UBE3D: variants seen among roughly 807,000 people sequenced by gnomAD.
UBE3D encodes E3 ubiquitin-protein ligase E3D.
In UBE3D, 48 loss-of-function variants were observed where a neutral mutation model predicts 49.6. The ratio of observed to expected loss-of-function variants is 0.97; its 90% CI spans 0.77 to 1.23. The LOEUF (loss-of-function observed/expected upper bound fraction) is 1.23, where lower values mean the gene tolerates loss of function less well. Ranked by LOEUF, UBE3D falls within the 50% of genes most tolerant of loss-of-function variation. UBE3D has a pLI of 0.00. For missense variants in UBE3D, 452 were observed against 468.4 expected (o/e 0.96, Z 0.32); for synonymous variants, 189 against 174.2 (o/e 1.08, Z -0.67).
intron 9 of UBE3D, among the ~76,000 whole-genome samples, chr6:82,929,893 T>A (rs1156585697): frequency 1.3e-5 from 2 of 152,168 alleles, no homozygotes; most frequent in African/African-American, 4.8e-5. Flanking sequence ...CACTGACACA[T>A]CCTTATCACC....
rs762952211 is a variant in UBE3D at position 82,957,420 on chromosome 6, G to A, written c.1041C>T (p.Ser347=). The change falls in exon 9 of 10, where the codon AGC becomes AGT. Residue 347 remains serine, a synonymous_variant. Coordinates refer to ENST00000369747, the MANE Select transcript of UBE3D (RefSeq NM_198920.3). ...KLVSLWESDI[S]VHPLTLPSAT... is the part of the protein sequence containing the mutation. ...CAGAGGGCAGGGTTAGCGGGTGGACGCTGATGTCACTTTCCCACAAGCTGA... is the reference window on the plus strand; with the variant it reads ...CAGAGGGCAGGGTTAGCGGGTGGACACTGATGTCACTTTCCCACAAGCTGA... The A allele has an allele frequency of 3.3e-5, 54 of 1,613,882 alleles. No homozygotes were observed. Among genetic ancestry groups the A allele is most frequent in the Non-Finnish European group, 4.2e-5 (49 of 1,179,958 alleles).
chr6:83,011,016 G>A (rs1780299571), intron 8 of UBE3D, among the ~76,000 whole-genome samples: 1 of 152,018 alleles, frequency 6.6e-6, no homozygotes, highest in Non-Finnish European at 1.5e-5. Context: ...CATCTCCTGA[G>A]ATCATACATA....
intron 8 of UBE3D, among the ~76,000 whole-genome samples, chr6:82,989,153 A>G (rs537527876): frequency 6.6e-6 from 1 of 152,266 alleles, no homozygotes; most frequent in East Asian, 1.9e-4. Flanking sequence ...CTTTACAGTA[A>G]CAAATACCAC....
At chr6:83,065,130 C>T (rs1784412843) in intron 1 of UBE3D, among the ~76,000 whole-genome samples, 1 of 152,178 alleles carries the variant, frequency 6.6e-6, no homozygotes, top group African/African-American at 2.4e-5. Context: ...TAGTGGTTCA[C>T]TAAACTCACG....
chr6:82,979,666 T>C (rs570848079), intron 8 of UBE3D, among the ~76,000 whole-genome samples: 31 of 152,186 alleles, frequency 2.0e-4, no homozygotes, highest in Non-Finnish European at 4.1e-4. Flanking sequence ...GCATATTACA[T>C]AGTGGTGAAG....
intron 8 of UBE3D, among the ~76,000 whole-genome samples, chr6:82,984,171 T>G (rs1778304907): frequency 6.6e-6 from 1 of 152,202 alleles, no homozygotes; most frequent in South Asian, 2.1e-4. Flanking sequence ...CTTATCATTC[T>G]TCAATAAACA....
chr6:83,034,635 TAAAA>T (rs1782114230), intron 5 of UBE3D, among the ~76,000 whole-genome samples: 1 of 152,104 alleles, frequency 6.6e-6, no homozygotes, highest in South Asian at 2.1e-4. Flanking sequence ...ATCTGAGGTT[TAAAA>T]GTGTGTGGCA....
At chr6:82,979,968 C>T (rs1778000928) in intron 8 of UBE3D, among the ~76,000 whole-genome samples, 1 of 152,066 alleles carries the variant, frequency 6.6e-6, no homozygotes, top group South Asian at 2.1e-4. Flanking sequence ...TTTATATATA[C>T]CACATTTTCT....
intron 9 of UBE3D, among the ~76,000 whole-genome samples, chr6:82,915,026 T>C (rs1401774581): frequency 1.3e-5 from 2 of 152,204 alleles, no homozygotes; most frequent in Admixed American, 6.5e-5. Context: ...TTCTCTTTTA[T>C]AACCTGTGGA....
chr6:82,948,728 G>A (rs1308808404), intron 9 of UBE3D, among the ~76,000 whole-genome samples: 1 of 152,082 alleles, frequency 6.6e-6, no homozygotes, highest in Non-Finnish European at 1.5e-5. Flanking sequence ...ATCACTCAGT[G>A]TGAGATATCA....
At chr6:82,919,344 C>T (rs750340492) in intron 9 of UBE3D, among the ~76,000 whole-genome samples, 1 of 151,888 alleles carries the variant, frequency 6.6e-6, no homozygotes. Flanking sequence ...TGGCTCATGC[C>T]TGTAATCTCA....
At chr6:83,052,635 C>T (rs1783545486) in intron 3 of UBE3D, among the ~76,000 whole-genome samples, 2 of 151,794 alleles carry the variant, frequency 1.3e-5, no homozygotes, top group African/African-American at 4.8e-5. Flanking sequence ...GAATGCCAGT[C>T]AATAATGGCA....
chr6:82,914,752 T>C (rs1278849930), intron 9 of UBE3D, among the ~76,000 whole-genome samples: 3 of 152,220 alleles, frequency 2.0e-5, no homozygotes, highest in Admixed American at 6.5e-5. Context: ...TATCTACTGC[T>C]GTTCTATTAC....
intron 2 of UBE3D, among the ~76,000 whole-genome samples, chr6:83,055,586 C>T (rs991157893): frequency 5.3e-5 from 8 of 152,146 alleles, no homozygotes; most frequent in African/African-American, 1.9e-4. Context: ...TGCACTGGGT[C>T]GGGTTTAAAA....
At chr6:82,978,848 A>T (rs1339886454) in intron 8 of UBE3D, among the ~76,000 whole-genome samples, 3 of 152,194 alleles carry the variant, frequency 2.0e-5, no homozygotes, top group Non-Finnish European at 2.9e-5. Flanking sequence ...TAGGATGCAA[A>T]AACATATTTT....
At chr6:82,946,014 A>G (rs1427811466) in intron 9 of UBE3D, among the ~76,000 whole-genome samples, 3 of 152,190 alleles carry the variant, frequency 2.0e-5, no homozygotes, top group African/African-American at 7.2e-5. Context: ...AGATCTAGAA[A>G]ATAGCCTTCA....
At chr6:82,903,443 A>T (rs534501147) in intron 9 of UBE3D, among the ~76,000 whole-genome samples, 59 of 152,336 alleles carry the variant, frequency 3.9e-4, no homozygotes, top group African/African-American at 1.3e-3. Context: ...AGCCAACAGG[A>T]TAGATGACAT....
intron 8 of UBE3D, among the ~76,000 whole-genome samples, chr6:82,995,479 A>G (rs1474749046): frequency 2.6e-5 from 2 of 77,182 alleles, no homozygotes; most frequent in African/African-American, 9.4e-5. Context: ...ATAAAGGATT[A>G]ATACTAACAA....
intron 5 of UBE3D, among the ~76,000 whole-genome samples, chr6:83,031,220 G>A (rs1781846033): frequency 1.3e-5 from 2 of 152,132 alleles, no homozygotes; most frequent in Non-Finnish European, 2.9e-5. Flanking sequence ...TTTTGACCAG[G>A]CTGGTCTTGA....
Sources: allele counts gnomAD v4.1 joint callset (sites outside exome capture counted in the v4.1 genomes callset), GRCh38; gene constraint gnomAD v4.1.1; transcripts MANE v1.5; gene names NCBI Gene and HGNC (gene_info 2026-07-23, HGNC 2026-07-21).